Variants in TECR observed in about 807,000 individuals in gnomAD.
The protein encoded by TECR is very-long-chain enoyl-CoA reductase.
TECR carries 19 observed loss-of-function variants against 50.6 expected under a neutral mutation model. The ratio of observed to expected loss-of-function variants is 0.38; its 90% confidence interval spans 0.26 to 0.55. The LOEUF is 0.55. TECR is among the 20% of genes least tolerant of loss of function. The pLI is 0.79. For synonymous variants in TECR, 168 were observed against 163.5 expected (o/e 1.03, Z -0.21); for missense variants, 313 against 408.3 (o/e 0.77, Z 2.01).
intron 12 of TECR, 27 bp downstream of exon 12, chr19:14,565,690 G>A (rs1317352780): frequency 6.2e-7 from 1 of 1,611,856 alleles, no homozygotes; most frequent in East Asian, 2.2e-5. Context: ...CCCTCGGCGG[G>A]GCCCTGCCCC....
chr19:14,536,951 A>C (rs2072919603), intron 1 of TECR, among the ~76,000 whole-genome samples: 1 of 113,304 alleles, frequency 8.8e-6, no homozygotes, highest in Admixed American at 1.0e-4. Context: ...CACGGGGCAG[A>C]TGTGGGGAGG....
intron 1 of TECR, among the ~76,000 whole-genome samples, chr19:14,558,910 T>C (rs1331755114): frequency 1.3e-5 from 2 of 152,240 alleles, no homozygotes; most frequent in African/African-American, 4.8e-5. Context: ...GTTCAGCAGC[T>C]GCCTGTACCC....
intron 1 of TECR, chr19:14,545,650 A>AG (rs892743218): frequency 2.1e-5 from 4 of 194,900 alleles, no homozygotes; most frequent in African/African-American, 9.4e-5. Context: ...CGACGCAGCA[A>AG]GGGGCACAGT....
intron 1 of TECR, among the ~76,000 whole-genome samples, chr19:14,538,364 C>T (rs764295521): frequency 2.8e-4 from 43 of 152,074 alleles, no homozygotes; most frequent in South Asian, 8.3e-4. Flanking sequence ...ACCTGGGGGC[C>T]TGTGGGGGAG....
chr19:14,529,550 CG>C (rs1177063409), upstream of TECR: 1 of 1,246,888 alleles, frequency 8.0e-7, no homozygotes. Flanking sequence ...GATTGGCCGA[CG>C]GGGCGCGCGC....
At chr19:14,543,406 TATATATATATA>T (rs2073176072) in intron 1 of TECR, among the ~76,000 whole-genome samples, 1 of 12,180 alleles carries the variant, frequency 8.2e-5, no homozygotes, top group Non-Finnish European at 2.0e-4. Context: ...TATATATATA[TATATATATATA>T]TATTTTTTTT....
At chr19:14,532,908 G>A (rs183313671) in intron 1 of TECR, among the ~76,000 whole-genome samples, 4 of 151,888 alleles carry the variant, frequency 2.6e-5, no homozygotes, top group African/African-American at 7.3e-5. Context: ...TCAGGAGTTC[G>A]AGACCAGCCT....
intron 1 of TECR, among the ~76,000 whole-genome samples, chr19:14,534,699 A>G (rs1463872235): frequency 6.6e-6 from 1 of 151,900 alleles, no homozygotes; most frequent in Non-Finnish European, 1.5e-5. Context: ...GGCATCCCAA[A>G]GTGCTGGGAT....
chr19:14,553,392 C>T (rs1296771205), intron 1 of TECR, among the ~76,000 whole-genome samples: 1 of 152,086 alleles, frequency 6.6e-6, no homozygotes, highest in Non-Finnish European at 1.5e-5. Context: ...GTCAGCCACT[C>T]TCAGCCCTTC....
At chr19:14,553,529 C>T (rs368078388) in intron 1 of TECR, among the ~76,000 whole-genome samples, 3 of 152,220 alleles carry the variant, frequency 2.0e-5, no homozygotes, top group Admixed American at 6.5e-5. Context: ...TATTTCTGGC[C>T]GAGCAGGTGT....
chr19:14,555,014 T>G (rs909344998), intron 1 of TECR, among the ~76,000 whole-genome samples: 1 of 151,794 alleles, frequency 6.6e-6, no homozygotes, highest in Admixed American at 6.6e-5. Context: ...CTTGACCTTG[T>G]GATCTGCCCA....
At chr19:14,558,285 C>T (rs1194001877) in intron 1 of TECR, among the ~76,000 whole-genome samples, 2 of 152,108 alleles carry the variant, frequency 1.3e-5, no homozygotes, top group Non-Finnish European at 2.9e-5. Flanking sequence ...ACAACGAGAG[C>T]CCCCCTTTTC....
chr19:14,557,734 G>A (rs944134919), intron 1 of TECR, among the ~76,000 whole-genome samples: 3 of 150,352 alleles, frequency 2.0e-5, no homozygotes, highest in African/African-American at 7.4e-5. Flanking sequence ...TTACAGGCAT[G>A]AGCCACCGTG....
intron 1 of TECR, among the ~76,000 whole-genome samples, chr19:14,541,786 T>A (rs372692525): frequency 4.0e-5 from 6 of 151,214 alleles, no homozygotes; most frequent in Non-Finnish European, 7.4e-5. Context: ...TCTTTTCATT[T>A]TTTTTTTTTT....
chr19:14,549,080 AG>A (rs1568412486), intron 1 of TECR, among the ~76,000 whole-genome samples: 1 of 152,130 alleles, frequency 6.6e-6, no homozygotes, highest in Non-Finnish European at 1.5e-5. Flanking sequence ...ATAAAACAAA[AG>A]TTAAAGCCAT....
chr19:14,543,163 C>T (rs1425508175), intron 1 of TECR, among the ~76,000 whole-genome samples: 1 of 150,384 alleles, frequency 6.6e-6, no homozygotes, highest in East Asian at 2.0e-4. Context: ...GCTGAGCCTC[C>T]AGGCTCCTTG....
chr19:14,544,354 C>T lies in TECR; in HGVS notation c.15+14643C>T, dbSNP rs540437051. Among the ~76,000 whole-genome samples, 3 of 152,098 alleles carry T rather than the reference C, an allele frequency of 2.0e-5. No individual in the cohort carries two copies. The South Asian group carries it at 6.2e-4, about 32-fold the overall frequency. ...GGAGGGTCTCTGGATACTTGTGGAA[C>T]GAGTATGTGTATGTTTGATAGAGGC... On this transcript the variant is annotated intron_variant, in intron 1 of 12. Coordinates refer to ENST00000215567, the MANE Select transcript of TECR (RefSeq NM_138501.6).
intron 1 of TECR, among the ~76,000 whole-genome samples, chr19:14,545,395 C>G (rs577846419): frequency 2.9e-5 from 4 of 138,982 alleles, no homozygotes; most frequent in African/African-American, 7.4e-5. Flanking sequence ...CCCACTGTGG[C>G]CCTCTGGGCC....
chr19:14,535,986 A>AT (rs1369045815), intron 1 of TECR, among the ~76,000 whole-genome samples: 10 of 151,838 alleles, frequency 6.6e-5, no homozygotes, highest in African/African-American at 2.2e-4. Flanking sequence ...TACTTAGGCC[A>AT]TTTCTTTGCT....
Sources: gnomAD v4.1 joint callset for allele counts (sites outside exome capture counted in the v4.1 genomes callset) on GRCh38, gnomAD v4.1.1 for gene constraint, MANE v1.5 for transcripts, NCBI Gene and HGNC (gene_info 2026-07-23, HGNC 2026-07-21) for gene names.